C1orf105: variants seen among roughly 807,000 people sequenced by gnomAD.
C1orf105 encodes chromosome 1 open reading frame 105.
C1orf105 carries 17 observed loss-of-function variants against 20.8 expected under a neutral mutation model. That is an observed-to-expected ratio of 0.82 (90% CI 0.56 to 1.23). C1orf105 has a LOEUF of 1.23. Among genes scored for constraint, C1orf105 ranks in the 50% most tolerant of loss-of-function variants. The pLI is 0.00. For missense variants in C1orf105, 219 were observed against 213.5 expected (o/e 1.03, Z -0.16); for synonymous variants, 72 against 72.1 (o/e 1.00, Z 0.01).
intron 2 of C1orf105, among the ~76,000 whole-genome samples, chr1:172,446,200 T>A (rs1361686295): frequency 1.6e-5 from 2 of 123,338 alleles, no homozygotes; most frequent in Non-Finnish European, 3.9e-5. Context: ...ATTTTGAATA[T>A]AACGAAAGCA....
chr1:172,449,724 G>T (rs1226791887), intron 3 of C1orf105, among the ~76,000 whole-genome samples: 1 of 152,172 alleles, frequency 6.6e-6, no homozygotes, highest in African/African-American at 2.4e-5. Flanking sequence ...TCATCTCTTA[G>T]TCCCCCTAAC....
intron 1 of C1orf105, chr1:172,431,155 T>G: frequency 6.2e-6 from 3 of 487,022 alleles, no homozygotes; most frequent in Non-Finnish European, 1.1e-5. Context: ...TCTCTCATTT[T>G]AAATCAAAAG....
At chr1:172,449,022 T>A (rs1287935432) in intron 3 of C1orf105, among the ~76,000 whole-genome samples, 1 of 152,098 alleles carries the variant, frequency 6.6e-6, no homozygotes, top group East Asian at 1.9e-4. Context: ...AGTCAGAACC[T>A]CCCTGAGGTG....
intron 1 of C1orf105, among the ~76,000 whole-genome samples, chr1:172,440,449 C>T (rs1245438546): frequency 1.3e-5 from 2 of 152,176 alleles, no homozygotes; most frequent in Non-Finnish European, 2.9e-5. Flanking sequence ...TCCCATTTAC[C>T]ACAATTCTAG....
intron 5 of C1orf105, among the ~76,000 whole-genome samples, chr1:172,462,767 G>T (rs182730051): frequency 9.8e-4 from 149 of 151,964 alleles, no homozygotes; most frequent in African/African-American, 3.2e-3. Context: ...TGTTTTGTTT[G>T]GTTTGGTTTG....
At position 172,456,317 on chromosome 1, in the gene C1orf105, A is replaced by G. The variant is rs541756640; in HGVS notation, c.199-98A>G. On this transcript the variant is annotated intron_variant, in intron 3 of 6. Coordinates refer to ENST00000367727, the MANE Select transcript of C1orf105 (RefSeq NM_139240.4). ...CCATCTCTGTTTTACGGAAGGAAAA[A>G]CTGTTACCTCTCTCACCCCTCCACT... 401 of 1,025,432 alleles carry G rather than the reference A, an allele frequency of 3.9e-4. 2 individuals are homozygous for G. The highest frequency in any genetic ancestry group is 9.7e-4 in the Admixed American group (53 of 54,732). The allele number at this position is 1,025,432 out of a possible 1,614,324, so 63.5% of individuals were successfully genotyped here.
chr1:172,422,010 G>A (rs562316128), intron 1 of C1orf105, among the ~76,000 whole-genome samples: 11 of 152,280 alleles, frequency 7.2e-5, no homozygotes, highest in African/African-American at 2.6e-4. Flanking sequence ...ACCACCATGG[G>A]CTAAAGTGCT....
intron 1 of C1orf105, among the ~76,000 whole-genome samples, chr1:172,432,989 G>A (rs890344718): frequency 2.0e-5 from 3 of 152,196 alleles, no homozygotes; most frequent in African/African-American, 7.2e-5. Flanking sequence ...TTCAATAGCC[G>A]ATTTGATCAA....
chr1:172,428,927 G>A, intron 1 of C1orf105: 1 of 605,336 alleles, frequency 1.7e-6, no homozygotes, highest in Non-Finnish European at 2.9e-6. Context: ...AGCTTATGTA[G>A]ATACTAAATA....
chr1:172,464,115 C>T (rs1416778308), intron 5 of C1orf105, among the ~76,000 whole-genome samples: 2 of 152,104 alleles, frequency 1.3e-5, no homozygotes, highest in East Asian at 3.9e-4. Context: ...AAATATAATA[C>T]TTATTGAATG....
chr1:172,431,720 C>T (rs9425316), intron 1 of C1orf105, among the ~76,000 whole-genome samples: 66,706 of 152,154 alleles, frequency 0.44, 17,548 homozygotes, highest in East Asian at 0.63. Flanking sequence ...GTATCTGGTT[C>T]ATCTCACTGG....
intron 3 of C1orf105, among the ~76,000 whole-genome samples, chr1:172,450,371 CT>C (rs998737570): frequency 1.3e-5 from 2 of 152,234 alleles, no homozygotes; most frequent in African/African-American, 4.8e-5. Flanking sequence ...CAGTCATATT[CT>C]TTCCCGTCAC....
intron 1 of C1orf105, among the ~76,000 whole-genome samples, chr1:172,432,300 T>A (rs1021425046): frequency 6.6e-6 from 1 of 152,238 alleles, no homozygotes; most frequent in South Asian, 2.1e-4. Context: ...ATTGGGTTCC[T>A]GACCCCCAGG....
intron 6 of C1orf105, 69 bp from the exon 7 acceptor site, chr1:172,468,380 T>C (rs929639096): frequency 7.8e-7 from 1 of 1,274,856 alleles, no homozygotes; most frequent in South Asian, 2.3e-5. Flanking sequence ...CCTGTGGTTA[T>C]TTTGAGCTTC....
At chr1:172,425,287 T>C (rs2071694474) in intron 1 of C1orf105, among the ~76,000 whole-genome samples, 2 of 152,226 alleles carry the variant, frequency 1.3e-5, no homozygotes, top group South Asian at 4.1e-4. Flanking sequence ...GCTGAGCACA[T>C]GCCAGCCAAT....
chr1:172,456,396 T>C lies in C1orf105; in HGVS notation c.199-19T>C, dbSNP rs1488429823. 3 of 1,608,016 alleles carry C rather than the reference T, an allele frequency of 1.9e-6. No individual in the cohort carries two copies. The highest frequency in any genetic ancestry group is 2.7e-5 in the African/African-American group (2 of 74,842). ...GCCCCACCATTTCCTCACCTCTCTC[T>C]GTCTCTCTTTCCCCTCAGGCCAGGA... On this transcript the variant is annotated intron_variant, in intron 3 of 6. Transcript: ENST00000367727.
intron 1 of C1orf105, among the ~76,000 whole-genome samples, chr1:172,436,260 C>CA (rs1324939329): frequency 6.6e-6 from 1 of 151,924 alleles, no homozygotes; most frequent in South Asian, 2.1e-4. Context: ...CATATGGAAC[C>CA]AAAAAAAGAG....
chr1:172,420,817 C>T lies in C1orf105; in HGVS notation c.-69C>T. On this transcript the variant is annotated 5_prime_UTR_variant, in exon 1 of 7. Coordinates refer to ENST00000367727, the MANE Select transcript of C1orf105 (RefSeq NM_139240.4). ...TTCTCCACAGCAGTCTTCCACTGGC[C>T]ACAGTGAGGGGAGCTAGGTTTCCCC... 1 of 1,520,296 alleles carries T rather than the reference C, an allele frequency of 6.6e-7. No homozygotes were observed. The highest frequency in any genetic ancestry group is 9.1e-7 in the Non-Finnish European group (1 of 1,097,316). The allele number at this position is 1,520,296 out of a possible 1,614,324, so 94.2% of individuals were successfully genotyped here.
chr1:172,432,297 T>A (rs1216459712), intron 1 of C1orf105, among the ~76,000 whole-genome samples: 1 of 152,200 alleles, frequency 6.6e-6, no homozygotes, highest in African/African-American at 2.4e-5. Context: ...TCAATTGGGT[T>A]CCTGACCCCC....
Sources: gnomAD v4.1 joint callset for allele counts (sites outside exome capture counted in the v4.1 genomes callset) on GRCh38, gnomAD v4.1.1 for gene constraint, MANE v1.5 for transcripts, NCBI Gene and HGNC (gene_info 2026-07-23, HGNC 2026-07-21) for gene names.